The following MAGI2 variants were observed in gnomAD, a reference collection of about 807,000 sequenced individuals.
MAGI2 encodes membrane associated guanylate kinase, WW and PDZ domain containing 2.
Under a neutral mutation model 133.3 loss-of-function variants are expected in MAGI2, and 35 were observed. The ratio of observed to expected loss-of-function variants is 0.26; its 90% CI spans 0.20 to 0.35. The LOEUF (loss-of-function observed/expected upper bound fraction) is 0.35, where lower values mean the gene tolerates loss of function less well. Among genes scored for constraint, MAGI2 ranks in the 10% least tolerant of loss-of-function variants. The probability of loss-of-function intolerance (pLI) is 1.00; values close to 1 mark genes in which losing one functional copy is unlikely to be tolerated. For missense variants in MAGI2, 1,636 were observed against 1,863.4 expected (o/e 0.88, Z 2.25); for synonymous variants, 729 against 710.6 (o/e 1.03, Z -0.41).
At chr7:78,346,654 C>T (rs1261745476) in intron 7 of MAGI2, among the ~76,000 whole-genome samples, 1 of 152,160 alleles carries the variant, frequency 6.6e-6, no homozygotes, top group East Asian at 1.9e-4. Context: ...AGGTATCAGA[C>T]GCAGAGTGGC....
At chr7:79,433,543 A>G (rs1847931755) in intron 1 of MAGI2, among the ~76,000 whole-genome samples, 1 of 149,582 alleles carries the variant, frequency 6.7e-6, no homozygotes, top group Non-Finnish European at 1.5e-5. Flanking sequence ...ACAGAGCAAG[A>G]CTCTGTCTCA....
intron 2 of MAGI2, among the ~76,000 whole-genome samples, chr7:78,774,232 C>G (rs1435901903): frequency 5.9e-5 from 9 of 151,974 alleles, no homozygotes; most frequent in African/African-American, 2.2e-4. Context: ...CCAATGCATC[C>G]GAGGTTGGTA....
intron 7 of MAGI2, among the ~76,000 whole-genome samples, chr7:78,366,225 A>T (rs1432503835): frequency 1.3e-5 from 2 of 152,184 alleles, no homozygotes; most frequent in Non-Finnish European, 2.9e-5. Context: ...TATTAACTAA[A>T]TATTAATATT....
chr7:78,616,978 A>G (rs553704548), intron 3 of MAGI2: 1 of 152,312 alleles, frequency 6.6e-6, no homozygotes, highest in South Asian at 2.1e-4. Flanking sequence ...CACTGACAAT[A>G]AACAAATAAA....
At chr7:78,421,721 T>C (rs1416113846) in intron 6 of MAGI2, among the ~76,000 whole-genome samples, 3 of 152,064 alleles carry the variant, frequency 2.0e-5, no homozygotes, top group African/African-American at 4.8e-5. Flanking sequence ...GGAGGATTGA[T>C]TGAGGCTGGG....
At chr7:78,438,780 C>T (rs79313651) in intron 6 of MAGI2, among the ~76,000 whole-genome samples, 7,483 of 152,166 alleles carry the variant, frequency 0.049, 616 homozygotes, top group African/African-American at 0.17. Flanking sequence ...ATTTCTAAAG[C>T]CTGGATTTTG....
intron 1 of MAGI2, among the ~76,000 whole-genome samples, chr7:79,371,533 T>C (rs527710203): frequency 8.5e-5 from 13 of 152,212 alleles, no homozygotes; most frequent in Non-Finnish European, 1.5e-5. Context: ...CTATTTACCA[T>C]TGTGTTACAA....
intron 1 of MAGI2, among the ~76,000 whole-genome samples, chr7:79,194,800 A>G (rs1355423338): frequency 1.3e-4 from 19 of 151,824 alleles, no homozygotes; most frequent in Admixed American, 1.2e-3. Context: ...GAAAAGAAAA[A>G]AAAAATGCCG....
At chr7:79,074,321 T>A (rs1161263040) in intron 1 of MAGI2, among the ~76,000 whole-genome samples, 3 of 152,214 alleles carry the variant, frequency 2.0e-5, no homozygotes, top group African/African-American at 7.2e-5. Context: ...AATATTCTAT[T>A]TTATTCTTCT....
intron 1 of MAGI2, among the ~76,000 whole-genome samples, chr7:79,070,640 C>T (rs909127725): frequency 1.3e-5 from 2 of 151,770 alleles, no homozygotes; most frequent in Middle Eastern, 3.4e-3. Context: ...TACAGGCGCC[C>T]ACCACCACAC....
chr7:78,428,821 C>G (rs866661501), intron 6 of MAGI2, among the ~76,000 whole-genome samples: 3 of 152,150 alleles, frequency 2.0e-5, no homozygotes, highest in Non-Finnish European at 4.4e-5. Context: ...TAGGTCGCTG[C>G]CTATCAGACT....
chr7:78,091,569 T>C (rs920467004), intron 20 of MAGI2, among the ~76,000 whole-genome samples: 5 of 152,182 alleles, frequency 3.3e-5, no homozygotes, highest in Non-Finnish European at 5.9e-5. Flanking sequence ...ATCTCTGGTT[T>C]CTCTTATCCT....
At chr7:78,962,336 C>A (rs920043527) in intron 2 of MAGI2, among the ~76,000 whole-genome samples, 1 of 151,956 alleles carries the variant, frequency 6.6e-6, no homozygotes, top group African/African-American at 2.4e-5. Context: ...GTTAAAACTT[C>A]GTCTCAAATG....
intron 3 of MAGI2, among the ~76,000 whole-genome samples, chr7:78,624,513 G>A (rs779332515): frequency 1.3e-5 from 2 of 152,078 alleles, no homozygotes; most frequent in African/African-American, 4.8e-5. Context: ...GGATGGAGTC[G>A]GAAGCCATTG....
At chr7:78,652,770 C>G (rs2108504) in intron 2 of MAGI2, among the ~76,000 whole-genome samples, 2 of 151,892 alleles carry the variant, frequency 1.3e-5, no homozygotes, top group African/African-American at 4.8e-5. Context: ...CAACAAAAGT[C>G]AAAATTGACA....
At chr7:78,129,380 T>C (rs1026131104) in intron 18 of MAGI2, among the ~76,000 whole-genome samples, 1 of 152,146 alleles carries the variant, frequency 6.6e-6, no homozygotes, top group Admixed American at 6.5e-5. Flanking sequence ...ATATACCAGC[T>C]AGGGCAAAAA....
intron 1 of MAGI2, among the ~76,000 whole-genome samples, chr7:79,211,315 C>A (rs1356857620): frequency 6.6e-6 from 1 of 151,902 alleles, no homozygotes; most frequent in Non-Finnish European, 1.5e-5. Flanking sequence ...CTTGTTCTGT[C>A]ATCCAGGCTG....
chr7:79,055,971 T>C (rs976794350), intron 1 of MAGI2, among the ~76,000 whole-genome samples: 1 of 152,168 alleles, frequency 6.6e-6, no homozygotes, highest in Non-Finnish European at 1.5e-5. Context: ...CAATGGTGTC[T>C]GAGGCTGATT....
chr7:79,305,338 A>G (rs1324588670), intron 1 of MAGI2, among the ~76,000 whole-genome samples: 1 of 152,204 alleles, frequency 6.6e-6, no homozygotes, highest in African/African-American at 2.4e-5. Flanking sequence ...TGATTTAAAA[A>G]TTGATTCTTC....
Sources: allele counts gnomAD v4.1 joint callset (sites outside exome capture counted in the v4.1 genomes callset), GRCh38; gene constraint gnomAD v4.1.1; transcripts MANE v1.5; gene names NCBI Gene and HGNC (gene_info 2026-07-23, HGNC 2026-07-21).